Variants in MEIS2 observed in about 807,000 individuals in gnomAD.
MEIS2 encodes Meis homeobox 2, also known as homeobox protein Meis2.
Under a neutral mutation model 58.6 loss-of-function variants are expected in MEIS2, and 9 were observed. That is an observed-to-expected ratio of 0.15 (90% CI 0.09 to 0.27). MEIS2 has a LOEUF of 0.27. Ranked by LOEUF, MEIS2 falls within the 10% of genes least tolerant of loss-of-function variation. The pLI, the probability that MEIS2 is intolerant of heterozygous loss-of-function variation, is 1.00. For missense variants in MEIS2, 427 were observed against 635.0 expected (o/e 0.67, Z 3.52); for synonymous variants, 221 against 228.4 (o/e 0.97, Z 0.29).
chr15:36,994,829 C>A (rs573090249), intron 8 of MEIS2, among the ~76,000 whole-genome samples: 49 of 152,142 alleles, frequency 3.2e-4, no homozygotes, highest in Admixed American at 5.2e-4. Flanking sequence ...AAAATCTTTA[C>A]ATGAATAATA....
intron 7 of MEIS2, among the ~76,000 whole-genome samples, chr15:37,066,923 T>C (rs1016977559): frequency 6.6e-6 from 1 of 151,812 alleles, no homozygotes; most frequent in African/African-American, 2.4e-5. Flanking sequence ...GGACTATAGG[T>C]GCATGCCATT....
chr15:36,958,528 C>T (rs1002785623), intron 8 of MEIS2, among the ~76,000 whole-genome samples: 4 of 152,000 alleles, frequency 2.6e-5, no homozygotes, highest in African/African-American at 7.3e-5. Flanking sequence ...AGTGATGGTC[C>T]GATACCACCA....
intron 7 of MEIS2, among the ~76,000 whole-genome samples, chr15:37,054,168 A>C (rs2063037470): frequency 6.6e-6 from 1 of 152,224 alleles, no homozygotes; most frequent in Non-Finnish European, 1.5e-5. Context: ...CTTTACTAGC[A>C]ATTGTAATAA....
At chr15:37,010,384 G>T (rs955341681) in intron 8 of MEIS2, among the ~76,000 whole-genome samples, 2 of 150,500 alleles carry the variant, frequency 1.3e-5, no homozygotes, top group African/African-American at 2.4e-5. Context: ...ACCACGCCCG[G>T]CCTATTTCTT....
At chr15:37,031,999 C>G (rs2061948303) in intron 8 of MEIS2, among the ~76,000 whole-genome samples, 1 of 151,922 alleles carries the variant, frequency 6.6e-6, no homozygotes, top group Admixed American at 6.6e-5. Context: ...TGCACCACAC[C>G]CGGCTAAATT....
intron 8 of MEIS2, among the ~76,000 whole-genome samples, chr15:36,966,511 T>C (rs1750918815): frequency 6.6e-6 from 1 of 152,124 alleles, no homozygotes. Flanking sequence ...CTGTAAAACC[T>C]TGAAGGAGAT....
chr15:36,952,944 A>G (rs1347072461), intron 8 of MEIS2, among the ~76,000 whole-genome samples: 1 of 152,028 alleles, frequency 6.6e-6, no homozygotes, highest in East Asian at 1.9e-4. Context: ...TTGGTACCTT[A>G]CCAAAATTCA....
rs1406144240 is a variant in MEIS2, at chr15:37,036,890, T to A, written c.824A>T (p.Lys275Ile). Residue 275 changes from lysine (K) to isoleucine (I), a missense_variant, in exon 8 of 12, where the codon AAA becomes ATA. Around this residue, in one of 6 missense-constraint regions of MEIS2, gnomAD observed 138 missense variants for 263.0 expected, o/e 0.52. Coordinates refer to ENST00000561208, the MANE Select transcript of MEIS2 (RefSeq NM_170675.5). The part of the protein sequence containing the change: ...GDDDDPDKDK[K>I]RQKKRGIFPK... ...GAAAATGCCTCTTTTCTTCTGGCGT[T>A]TTTTGTCCTTATCCGGATCATCATC... 1 of 1,613,994 alleles carries A rather than the reference T, an allele frequency of 6.2e-7. No individual in the cohort carries two copies. Among genetic ancestry groups the A allele is most frequent in the Non-Finnish European group, 8.5e-7 (1 of 1,180,022 alleles).
At chr15:36,973,087 C>A (rs1446583617) in intron 8 of MEIS2, among the ~76,000 whole-genome samples, 1 of 152,186 alleles carries the variant, frequency 6.6e-6, no homozygotes, top group Non-Finnish European at 1.5e-5. Context: ...AAACTAAAGT[C>A]ACTTAATCTC....
Position 37,098,032 on chromosome 15 carries a change from G to C in MEIS2, c.180C>G (p.Val60=). The part of the protein sequence containing the change: ...HYGAHAPHPN[V]MPASMGSAVN... ...CAGCGGATCCCATACTGGCCGGCAT[G>C]ACATTGGGGTGCGGGGCGTGCGCGC... The change falls in exon 2 of 12, where the codon GTC becomes GTG. Residue 60 remains valine, a synonymous_variant. Coordinates refer to ENST00000561208, the MANE Select transcript of MEIS2 (RefSeq NM_170675.5). 1 of 1,613,016 alleles carries C rather than the reference G, an allele frequency of 6.2e-7. No homozygotes were observed. The highest frequency in any genetic ancestry group is 1.3e-5 in the African/African-American group (1 of 75,030).
At chr15:37,040,635 C>T (rs769287289) in intron 7 of MEIS2, among the ~76,000 whole-genome samples, 50 of 152,174 alleles carry the variant, frequency 3.3e-4, no homozygotes, top group Non-Finnish European at 6.8e-4. Flanking sequence ...ACTGGGCATG[C>T]TTCTTTTGAA....
At chr15:36,900,045 T>C (rs2056387615) in intron 9 of MEIS2, among the ~76,000 whole-genome samples, 1 of 152,224 alleles carries the variant, frequency 6.6e-6, no homozygotes. Flanking sequence ...TTCATCTGTA[T>C]CTGATATTAA....
At chr15:36,988,798 T>C (rs2060175396) in intron 8 of MEIS2, among the ~76,000 whole-genome samples, 6 of 152,226 alleles carry the variant, frequency 3.9e-5, no homozygotes, top group Admixed American at 3.9e-4. Context: ...TAATTTGCAT[T>C]CATCTAAGAA....
intron 8 of MEIS2, among the ~76,000 whole-genome samples, chr15:36,991,783 C>CTTTTTTTTT (rs11285545): frequency 1.9e-3 from 96 of 51,006 alleles, no homozygotes; most frequent in South Asian, 3.8e-3. Context: ...TTTTTTTTTT[C>CTTTTTTTTT]TTTTTTTTTT....
chr15:36,916,575 G>A (rs1051450014), intron 9 of MEIS2, among the ~76,000 whole-genome samples: 3 of 151,960 alleles, frequency 2.0e-5, no homozygotes, highest in African/African-American at 7.3e-5. Context: ...AGAACTACAG[G>A]TGTGCACCAC....
chr15:37,097,836 G>A, intron 2 of MEIS2, 131 bp downstream of exon 2: 1 of 1,362,484 alleles, frequency 7.3e-7, no homozygotes, highest in Non-Finnish European at 9.7e-7. Context: ...CCCTTCCTAA[G>A]GCAAGCGGCG....
intron 8 of MEIS2, among the ~76,000 whole-genome samples, chr15:36,990,166 T>C (rs1050162807): frequency 6.6e-6 from 1 of 152,054 alleles, no homozygotes; most frequent in African/African-American, 2.4e-5. Context: ...AGGATGGTCT[T>C]GATCTCCTGA....
At chr15:36,950,422 TA>T in intron 8 of MEIS2, 22 bp from the exon 9 acceptor site, 1 of 1,604,588 alleles carries the variant, frequency 6.2e-7, no homozygotes. Context: ...ACAAATGTTT[TA>T]AAAGATGGAT....
chr15:37,096,591 C>A, intron 2 of MEIS2, 161 bp from the exon 3 acceptor site: 1 of 839,000 alleles, frequency 1.2e-6, no homozygotes, highest in Non-Finnish European at 1.7e-6. Context: ...CGAGCCTAAG[C>A]CAGAAACAGA....
Sources: allele counts gnomAD v4.1 joint callset (sites outside exome capture counted in the v4.1 genomes callset), GRCh38; gene constraint gnomAD v4.1.1; regional missense constraint gnomAD v4.1.1; transcripts MANE v1.5; gene names NCBI Gene and HGNC (gene_info 2026-07-23, HGNC 2026-07-21).